The following KIF5B variants were observed in gnomAD, a reference collection of about 807,000 sequenced individuals.
KIF5B encodes the protein kinesin family member 5B, also known as kinesin-1 heavy chain.
Under a neutral mutation model 132.8 loss-of-function variants are expected in KIF5B, and 49 were observed. The observed-to-expected ratio is 0.37, with a 90% CI of 0.29 to 0.47. The LOEUF is 0.47. Among genes scored for constraint, KIF5B ranks in the 20% least tolerant of loss-of-function variants. KIF5B has a pLI of 1.00. For missense variants in KIF5B, 780 were observed against 1,144.0 expected, an observed-to-expected ratio of 0.68 and a Z score of 4.59; for synonymous variants, 355 against 369.4, an observed-to-expected ratio of 0.96 and a Z score of 0.45.
At chr10:32,053,522 C>T (rs539722074) in intron 1 of KIF5B, among the ~76,000 whole-genome samples, 2 of 151,528 alleles carry the variant, frequency 1.3e-5, no homozygotes, top group Non-Finnish European at 2.9e-5. Flanking sequence ...GTCAGGAGTT[C>T]GAGACCGCCC....
chr10:32,024,591 C>T (rs1841310359), intron 15 of KIF5B, among the ~76,000 whole-genome samples: 1 of 151,328 alleles, frequency 6.6e-6, no homozygotes, highest in African/African-American at 2.4e-5. Flanking sequence ...TGGCGAAACC[C>T]AGTTGCTACT....
At chr10:32,023,928 ATAT>A (rs1296018566) in intron 15 of KIF5B, among the ~76,000 whole-genome samples, 3 of 151,930 alleles carry the variant, frequency 2.0e-5, no homozygotes, top group Non-Finnish European at 4.4e-5. Flanking sequence ...AATCTAGGTG[ATAT>A]TGGGTTTGGT....
In KIF5B at chr10:32,024,446, G is replaced by A. The variant is rs778844231; in HGVS notation, c.1726-1410C>T. Among the ~76,000 whole-genome samples, 112 of 149,010 alleles carry A rather than the reference G, an allele frequency of 7.5e-4. 2 individuals carry two copies. Among genetic ancestry groups the A allele is most frequent in the Non-Finnish European group, 1.0e-4 (7 of 67,086 alleles). Reference sequence around the variant, plus strand: ...TGGGATTACAGGCGTGAGCCACCGCGCCCGGCCGAAGAACTCTTAAAACTC... The same window carrying A: ...TGGGATTACAGGCGTGAGCCACCGCACCCGGCCGAAGAACTCTTAAAACTC... On this transcript the variant is annotated intron_variant, in intron 15 of 25. Transcript: ENST00000302418.
At chr10:32,013,581 A>C (rs1175798899) in intron 25 of KIF5B, among the ~76,000 whole-genome samples, 1 of 152,228 alleles carries the variant, frequency 6.6e-6, no homozygotes, top group Non-Finnish European at 1.5e-5. Flanking sequence ...GGTTTAGACA[A>C]ACCAGCTGTA....
At chr10:32,033,570 T>C (rs1370928037) in intron 12 of KIF5B, among the ~76,000 whole-genome samples, 2 of 152,182 alleles carry the variant, frequency 1.3e-5, no homozygotes, top group Non-Finnish European at 2.9e-5. Context: ...CAGTCCCTGG[T>C]GCCAAAAAGG....
rs1841034168 is a variant in KIF5B, at chr10:32,009,184, A to G, written c.*2353T>C. 6.6e-6 allele frequency: 1 copy of G among 152,230 alleles called. No homozygotes were observed. The highest frequency in any genetic ancestry group is 2.4e-5 in the African/African-American group (1 of 41,468). 9.4% of individuals were successfully genotyped at this position (152,230 alleles called of 1,614,324 possible). A position where few individuals can be genotyped will look rare whatever the true frequency, so the allele number is the denominator to read the frequency against. ...GACTCAGACTCTCTTCTGTCACCTC[A>G]TGTCAAATGGAGTTAAGCACAAACT... On this transcript the variant is annotated 3_prime_UTR_variant, in exon 26 of 26. Transcript: ENST00000302418.
chr10:32,034,746 T>C lies in KIF5B; in HGVS notation c.1055A>G (p.Lys352Arg), dbSNP rs774285656. Residue 352 changes from lysine to arginine, a missense_variant, in exon 11 of 26, where the codon AAG (lysine) becomes AGG (arginine). Physicochemically the swap from Lys to Arg is conservative, Grantham distance 26. This residue lies in a region of KIF5B where 471 missense variants were observed against 569.9 expected (regional missense o/e 0.83). Transcript: ENST00000302418. ...KKYEKEKEKN[K>R]ILRNTIQWLE... ...CCACTGAATAGTGTTCCGCAGGATC[T>C]TATTTTTTTCTTTTTCTTTTTCATA... The C allele has an allele frequency of 1.3e-5, 21 of 1,609,622 alleles. No homozygotes were observed. The Middle Eastern group carries it at 8.3e-4, about 64-fold the overall frequency.
chr10:32,052,068 A>G (rs1234031708), intron 1 of KIF5B, among the ~76,000 whole-genome samples: 1 of 152,214 alleles, frequency 6.6e-6, no homozygotes, highest in African/African-American at 2.4e-5. Context: ...AGTTGATCTC[A>G]ACTGCATACC....
Position 32,031,271 on chromosome 10 carries a change from T to C in KIF5B, c.1383A>G (p.Ala461=). 1 of 1,613,464 alleles carries C rather than the reference T, an allele frequency of 6.2e-7. No individual in the cohort carries two copies. Among genetic ancestry groups the C allele is most frequent in the South Asian group, 1.1e-5 (1 of 91,058 alleles). Residue 461 remains alanine, a synonymous_variant, in exon 14 of 26, where the codon GCA becomes GCG. Transcript: ENST00000302418. ...TATTGTCTTGATCCCTTCTGGTAGATGCCAAAAGCTATAGGACAGAAAATA... is the reference window on the plus strand; with the variant it reads ...TATTGTCTTGATCCCTTCTGGTAGACGCCAAAAGCTATAGGACAGAAAATA... ...TQMLDQEELL[A]STRRDQDNMQ...
intron 1 of KIF5B, among the ~76,000 whole-genome samples, chr10:32,051,690 T>C (rs1592456258): frequency 6.6e-6 from 1 of 152,320 alleles, no homozygotes; most frequent in East Asian, 1.9e-4. Context: ...CTTATCTTGA[T>C]TGCAAAACCA....
chr10:32,038,255 A>G lies in KIF5B; in HGVS notation c.443-37T>C, dbSNP rs759427690. 4.2e-6 allele frequency: 6 copies of G among 1,412,872 alleles called. No individual in the cohort carries two copies. In the African/African-American group the frequency reaches 4.3e-5, roughly 10 times the overall value. 87.5% of individuals were successfully genotyped at this position (1,412,872 alleles called of 1,614,324 possible). On this transcript the variant is annotated intron_variant, in intron 5 of 25. Transcript: ENST00000302418. ...AAACAAATGTTAGCAACATTCTCCT[A>G]AAACTCTTAACACTGGATATGAAAT...
At chr10:32,034,984 G>T (rs962019852) in intron 10 of KIF5B, 146 bp from the exon 11 acceptor site, 1 of 513,054 alleles carries the variant, frequency 1.9e-6, no homozygotes, top group Non-Finnish European at 3.1e-6. Flanking sequence ...AACATATGAC[G>T]TTATTTACAA....
chr10:32,033,877 TTTC>T lies in KIF5B; in HGVS notation c.1270_1272del (p.Glu424del), dbSNP rs1263670544. 2 of 1,613,126 alleles carry T rather than the reference TTTC, an allele frequency of 1.2e-6. No individual in the cohort carries two copies. The highest frequency in any genetic ancestry group is 1.7e-6 in the Non-Finnish European group (2 of 1,179,630). On this transcript the variant is annotated inframe_deletion, in exon 12 of 26. Transcript: ENST00000302418. ...TCAAGCTGTTTGTATAATTTAGCAA[TTTC>T]TTCTTCACACTTTCTTCTTTCAGCA...
chr10:32,041,831 C>T (rs1179726855), intron 2 of KIF5B, among the ~76,000 whole-genome samples: 3 of 152,124 alleles, frequency 2.0e-5, no homozygotes, highest in African/African-American at 4.8e-5. Flanking sequence ...TGCTATGTTG[C>T]CCAGGCTGAT....
At chr10:32,052,985 T>C (rs906393413) in intron 1 of KIF5B, among the ~76,000 whole-genome samples, 2 of 152,232 alleles carry the variant, frequency 1.3e-5, no homozygotes, top group African/African-American at 4.8e-5. Flanking sequence ...CCTTAAAAAT[T>C]ACTTTCTCCA....
chr10:32,049,601 C>T (rs1409270170), intron 1 of KIF5B, among the ~76,000 whole-genome samples: 3 of 152,050 alleles, frequency 2.0e-5, no homozygotes, highest in South Asian at 2.1e-4. Context: ...AATATCAAAA[C>T]GGTTAAAAAG....
At chr10:32,035,847 T>C in intron 9 of KIF5B, 43 bp downstream of exon 9, 2 of 1,457,964 alleles carry the variant, frequency 1.4e-6, no homozygotes, top group Non-Finnish European at 9.5e-7. Context: ...ATTTAAATAA[T>C]GCCCCATAAG....
chr10:32,026,535 C>T (rs1454869495), intron 15 of KIF5B, among the ~76,000 whole-genome samples: 6 of 136,096 alleles, frequency 4.4e-5, no homozygotes, highest in Non-Finnish European at 7.7e-5. Context: ...ACTGAGGATC[C>T]TTTTTTTTTT....
At chr10:32,039,699 A>G (rs1841507189) in intron 3 of KIF5B, among the ~76,000 whole-genome samples, 1 of 152,184 alleles carries the variant, frequency 6.6e-6, no homozygotes, top group South Asian at 2.1e-4. Flanking sequence ...TGTAAAATGA[A>G]CATAATTAAA....
Sources: allele counts gnomAD v4.1 joint callset (sites outside exome capture counted in the v4.1 genomes callset), GRCh38; gene constraint gnomAD v4.1.1; regional missense constraint gnomAD v4.1.1; transcripts MANE v1.5; gene names NCBI Gene and HGNC (gene_info 2026-07-23, HGNC 2026-07-21).